Variants in MAF observed in about 807,000 individuals in gnomAD.
MAF encodes MAF bZIP transcription factor.
A neutral mutation model predicts 22.0 loss-of-function variants in MAF; 10 were observed. The ratio of observed to expected loss-of-function variants is 0.45; its 90% confidence interval spans 0.28 to 0.77. The LOEUF (loss-of-function observed/expected upper bound fraction) is 0.77, where lower values mean the gene tolerates loss of function less well. Ranked by LOEUF, MAF falls within the 30% of genes least tolerant of loss-of-function variation. The pLI is 0.12. For synonymous variants in MAF, 337 were observed against 255.8 expected (o/e 1.32, Z -3.03); for missense variants, 544 against 548.4 (o/e 0.99, Z 0.08).
the MAF span, among the ~76,000 whole-genome samples, chr16:79,298,305 A>G: frequency 6.6e-6 from 1 of 152,224 alleles, no homozygotes; most frequent in African/African-American, 2.4e-5. Flanking sequence ...TGTACAAACC[A>G]GGTGTGTTTG....
the MAF span, among the ~76,000 whole-genome samples, chr16:79,452,929 A>G: frequency 6.6e-6 from 1 of 152,222 alleles, no homozygotes; most frequent in Non-Finnish European, 1.5e-5. Flanking sequence ...GCTGCCTGTT[A>G]TATGAGCGAG....
At chr16:79,355,799 G>A in the MAF span, among the ~76,000 whole-genome samples, 1 of 152,164 alleles carries the variant, frequency 6.6e-6, no homozygotes. Context: ...GTGGCTATGG[G>A]CGGCGTGTGG....
the MAF span, among the ~76,000 whole-genome samples, chr16:79,254,132 TAA>T: frequency 6.6e-6 from 1 of 152,172 alleles, no homozygotes; most frequent in African/African-American, 2.4e-5. Flanking sequence ...TATGCCTCAT[TAA>T]AAGTGTGTAG....
chr16:79,597,731 C>T (rs970236532), intron 1 of MAF: 12 of 1,018,462 alleles, frequency 1.2e-5, no homozygotes, highest in South Asian at 4.6e-5. Flanking sequence ...AGTCTTCGAA[C>T]GTCCATTTCC....
At chr16:79,427,352 C>T in the MAF span, among the ~76,000 whole-genome samples, 1 of 152,220 alleles carries the variant, frequency 6.6e-6, no homozygotes, top group Non-Finnish European at 1.5e-5. Flanking sequence ...TCCTGGGGTG[C>T]CCCAAACATA....
chr16:79,451,697 A>C, the MAF span, among the ~76,000 whole-genome samples: 1 of 152,216 alleles, frequency 6.6e-6, no homozygotes, highest in Non-Finnish European at 1.5e-5. Flanking sequence ...AAATATGCTC[A>C]TTGAAAAAAA....
the MAF span, among the ~76,000 whole-genome samples, chr16:79,289,421 G>T: frequency 6.6e-6 from 1 of 152,200 alleles, no homozygotes. Context: ...ACACCTAGAT[G>T]TCTCACCTGG....
chr16:79,586,203 G>C (rs1276225730), intron 1 of MAF, among the ~76,000 whole-genome samples: 1 of 152,204 alleles, frequency 6.6e-6, no homozygotes, highest in African/African-American at 2.4e-5. Flanking sequence ...GGCTGAGATA[G>C]CCATAACCCA....
chr16:79,376,552 G>C, the MAF span, among the ~76,000 whole-genome samples: 2 of 151,842 alleles, frequency 1.3e-5, no homozygotes, highest in Non-Finnish European at 2.9e-5. Context: ...TATACTTTAA[G>C]TTTTAGTGTA....
chr16:79,239,900 G>C, the MAF span, among the ~76,000 whole-genome samples: 2 of 152,062 alleles, frequency 1.3e-5, no homozygotes, highest in African/African-American at 4.8e-5. Context: ...CTTGAAGAAA[G>C]ATGATTATTT....
the MAF span, among the ~76,000 whole-genome samples, chr16:79,382,653 A>G: frequency 6.6e-6 from 1 of 152,218 alleles, no homozygotes; most frequent in African/African-American, 2.4e-5. Flanking sequence ...TATCCATTCC[A>G]TTGTTTTCTC....
chr16:79,597,086 A>G (rs77685317), intron 1 of MAF: 102,470 of 1,058,474 alleles, frequency 0.097, 5,023 homozygotes, highest in South Asian at 0.11. Flanking sequence ...CCCAACTTAT[A>G]TTTAAGTTGC....
chr16:79,542,060 G>A, the MAF span, among the ~76,000 whole-genome samples: 68 of 152,276 alleles, frequency 4.5e-4, no homozygotes, highest in African/African-American at 1.6e-3. Context: ...AAGCTGGTTG[G>A]TCCCAGTTCT....
the MAF span, among the ~76,000 whole-genome samples, chr16:79,217,058 C>T: frequency 2.0e-5 from 3 of 152,210 alleles, no homozygotes; most frequent in African/African-American, 7.2e-5. Flanking sequence ...GATCCAACTG[C>T]CTCAGCCTCC....
chr16:79,470,910 A>C, the MAF span, among the ~76,000 whole-genome samples: 4,420 of 152,300 alleles, frequency 0.029, 199 homozygotes, highest in African/African-American at 0.1. Flanking sequence ...AGTGAGAGGC[A>C]CTCAAATTAT....
the MAF span, among the ~76,000 whole-genome samples, chr16:79,456,935 T>TACACACAA: frequency 2.0e-5 from 3 of 150,040 alleles, no homozygotes; most frequent in African/African-American, 7.3e-5. Flanking sequence ...GCCATGTTTT[T>TACACACAA]ACACACACAC....
chr16:79,471,574 G>A, the MAF span, among the ~76,000 whole-genome samples: 16 of 152,300 alleles, frequency 1.1e-4, no homozygotes, highest in East Asian at 1.4e-3. Context: ...GTGCTAGGGC[G>A]GCTGAGGTAG....
At chr16:79,260,105 C>T in the MAF span, among the ~76,000 whole-genome samples, 2 of 152,168 alleles carry the variant, frequency 1.3e-5, no homozygotes, top group African/African-American at 4.8e-5. Context: ...TAACACTTGC[C>T]ATCAACTAAC....
chr16:79,386,173 T>C, the MAF span, among the ~76,000 whole-genome samples: 1 of 152,246 alleles, frequency 6.6e-6, no homozygotes, highest in Non-Finnish European at 1.5e-5. Context: ...TTTGGGATGA[T>C]TCACGTGCAT....
Sources: gnomAD v4.1 joint callset for allele counts (sites outside exome capture counted in the v4.1 genomes callset) on GRCh38, gnomAD v4.1.1 for gene constraint, MANE v1.5 for transcripts, NCBI Gene and HGNC (gene_info 2026-07-23, HGNC 2026-07-21) for gene names.